Variants in TP63 observed in about 807,000 individuals in gnomAD.
The protein encoded by TP63 is tumor protein p63, also known as tumor protein 63.
A neutral mutation model predicts 82.8 loss-of-function variants in TP63; 17 were observed. The ratio of observed to expected loss-of-function variants is 0.21; its 90% CI spans 0.14 to 0.31. The LOEUF is 0.31. Among genes scored for constraint, TP63 ranks in the 10% least tolerant of loss-of-function variants. The probability of loss-of-function intolerance (pLI) is 1.00; values close to 1 mark genes in which losing one functional copy is unlikely to be tolerated. For missense variants in TP63, 648 were observed against 895.3 expected (o/e 0.72, Z 3.52); for synonymous variants, 330 against 321.7 (o/e 1.03, Z -0.28).
At chr3:189,661,138 T>C (rs1713843764) in intron 1 of TP63, among the ~76,000 whole-genome samples, 1 of 152,054 alleles carries the variant, frequency 6.6e-6, no homozygotes, top group Admixed American at 6.6e-5. Flanking sequence ...GTAAGCATCC[T>C]TGTCTTCTTC....
chr3:189,862,570 G>A (rs1455997886), intron 4 of TP63, among the ~76,000 whole-genome samples: 1 of 152,136 alleles, frequency 6.6e-6, no homozygotes, highest in Non-Finnish European at 1.5e-5. Flanking sequence ...TTAGTTGACA[G>A]ACTTATTTTT....
chr3:189,774,446 A>T (rs1723626176), intron 3 of TP63, among the ~76,000 whole-genome samples: 1 of 152,194 alleles, frequency 6.6e-6, no homozygotes, highest in Non-Finnish European at 1.5e-5. Context: ...GTGAGCTGAG[A>T]AGTCTCAGGT....
the TP63 span, among the ~76,000 whole-genome samples, chr3:189,603,100 G>T: frequency 1.3e-5 from 2 of 152,160 alleles, no homozygotes; most frequent in African/African-American, 4.8e-5. Context: ...CCAGGACTCA[G>T]TTATTAGGAT....
At chr3:189,705,921 C>CTG (rs1718162620) in intron 1 of TP63, among the ~76,000 whole-genome samples, 1 of 152,146 alleles carries the variant, frequency 6.6e-6, no homozygotes, top group African/African-American at 2.4e-5. Context: ...AACTGTGATA[C>CTG]TTCAGGGACT....
chr3:189,749,504 CAGTT>C (rs1374285078), intron 3 of TP63, among the ~76,000 whole-genome samples: 4 of 152,042 alleles, frequency 2.6e-5, no homozygotes, highest in East Asian at 1.9e-4. Context: ...CATCTTATGC[CAGTT>C]AGTTTATTTT....
intron 10 of TP63, among the ~76,000 whole-genome samples, chr3:189,885,778 G>C (rs1720382704): frequency 6.6e-6 from 1 of 152,166 alleles, no homozygotes; most frequent in East Asian, 1.9e-4. Flanking sequence ...GCGTTCTCCT[G>C]TGTAGAAATG....
At chr3:189,681,559 C>T (rs1715904987) in intron 1 of TP63, among the ~76,000 whole-genome samples, 1 of 152,090 alleles carries the variant, frequency 6.6e-6, no homozygotes, top group Non-Finnish European at 1.5e-5. Context: ...TCACTGAAGC[C>T]AGGCTCTATA....
intron 3 of TP63, among the ~76,000 whole-genome samples, chr3:189,807,230 C>T (rs1358044683): frequency 6.6e-6 from 1 of 152,218 alleles, no homozygotes; most frequent in Non-Finnish European, 1.5e-5. Context: ...CCTACTCAGG[C>T]TGACAGTTTT....
chr3:189,738,985 C>A, intron 3 of TP63: 1 of 646,288 alleles, frequency 1.5e-6, no homozygotes, highest in Middle Eastern at 4.3e-4. Flanking sequence ...TGTTTCCATC[C>A]GTGTGGGGAG....
rs558120414 is a variant in TP63, at chr3:189,864,130, G to A, written c.580-102G>A. 387 of 1,471,978 alleles carry A rather than the reference G, an allele frequency of 2.6e-4. 1 individual carries two copies. Among genetic ancestry groups the A allele is most frequent in the Non-Finnish European group, 3.5e-4 (368 of 1,051,464 alleles). 91.2% of individuals were successfully genotyped at this position (1,471,978 alleles called of 1,614,324 possible). ...GCCAGTAGTAAACAGGCAGCATGCA[G>A]CTCTAAAAAGTGGACAGATTTTCAT... On this transcript the variant is annotated intron_variant, in intron 4 of 13. Transcript: ENST00000264731.
chr3:189,872,687 C>A (rs981527689), intron 9 of TP63, among the ~76,000 whole-genome samples, 172 bp from the exon 10 acceptor site: 2 of 152,086 alleles, frequency 1.3e-5, no homozygotes, highest in Non-Finnish European at 2.9e-5. Flanking sequence ...TCACTCTGCC[C>A]GGGTCTGAAA....
chr3:189,771,427 A>G (rs1455648658), intron 3 of TP63, among the ~76,000 whole-genome samples: 2 of 140,776 alleles, frequency 1.4e-5, no homozygotes, highest in African/African-American at 2.6e-5. Context: ...ATAATTATAT[A>G]TAAATCTATA....
intron 1 of TP63, among the ~76,000 whole-genome samples, chr3:189,658,228 A>C (rs987472048): frequency 3.3e-5 from 5 of 152,090 alleles, no homozygotes; most frequent in African/African-American, 9.6e-5. Context: ...TTGTAATACA[A>C]AATATTAAAT....
At position 189,886,527 on chromosome 3, in the gene TP63, A is replaced by G. The variant is rs373849345; in HGVS notation, c.1483A>G (p.Ile495Val). Residue 495 changes from isoleucine (I) to valine (V), a missense_variant, in exon 11 of 14, where the codon ATT becomes GTT. Ile to Val is a conservative substitution (Grantham distance 29). This residue lies in a region of TP63 where 342 missense variants were observed against 425.7 expected (regional missense o/e 0.80). Transcript: ENST00000264731. Reference sequence around the variant, plus strand: ...GCGCAACGCCCTCACTCCTACAACCATTCCTGATGGCATGGGAGCCAACAG... The same window carrying G: ...GCGCAACGCCCTCACTCCTACAACCGTTCCTGATGGCATGGGAGCCAACAG... ...QQRNALTPTT[I>V]PDGMGANIPM... 3.1e-6 allele frequency: 5 copies of G among 1,613,894 alleles called. No individual in the cohort carries two copies. Among genetic ancestry groups the G allele is most frequent in the African/African-American group, 1.3e-5 (1 of 74,894 alleles).
chr3:189,886,705 T>C (rs1202162868), intron 11 of TP63, among the ~76,000 whole-genome samples, 154 bp downstream of exon 11: 2 of 152,134 alleles, frequency 1.3e-5, no homozygotes, highest in East Asian at 3.9e-4. Context: ...GACTGAACCT[T>C]TCACTTTTGA....
intron 1 of TP63, among the ~76,000 whole-genome samples, chr3:189,660,746 G>A (rs183953334): frequency 1.3e-5 from 2 of 151,964 alleles, no homozygotes; most frequent in Admixed American, 6.6e-5. Flanking sequence ...TCCTTCAACC[G>A]TGTTTTGTAG....
At chr3:189,734,545 T>C (rs1185028730) in intron 1 of TP63, among the ~76,000 whole-genome samples, 1 of 152,146 alleles carries the variant, frequency 6.6e-6, no homozygotes, top group Non-Finnish European at 1.5e-5. Flanking sequence ...ACTGTGTAGG[T>C]TGGGAGATGA....
chr3:189,810,946 G>A (rs1727493696), intron 4 of TP63, among the ~76,000 whole-genome samples: 1 of 151,538 alleles, frequency 6.6e-6, no homozygotes, highest in African/African-American at 2.4e-5. Context: ...GAAGTCAATT[G>A]TCTTACTCAA....
At chr3:189,633,267 G>A (rs916479537) in intron 1 of TP63, among the ~76,000 whole-genome samples, 2 of 151,846 alleles carry the variant, frequency 1.3e-5, no homozygotes, top group Non-Finnish European at 2.9e-5. Context: ...ACAAGTGCAA[G>A]TTTGTTATAC....
Sources: gnomAD v4.1 joint callset for allele counts (sites outside exome capture counted in the v4.1 genomes callset) on GRCh38, gnomAD v4.1.1 for gene constraint, gnomAD v4.1.1 regional missense constraint, MANE v1.5 for transcripts, NCBI Gene and HGNC (gene_info 2026-07-23, HGNC 2026-07-21) for gene names.